The following TSPEAR variants were observed in gnomAD, a reference collection of about 807,000 sequenced individuals.
TSPEAR encodes thrombospondin type laminin G domain and EAR repeats.
Under a neutral mutation model 71.6 loss-of-function variants are expected in TSPEAR, and 69 were observed. The ratio of observed to expected loss-of-function variants is 0.96; its 90% CI spans 0.79 to 1.18. The LOEUF is 1.18. Among genes scored for constraint, TSPEAR ranks in the 50% most tolerant of loss-of-function variants. TSPEAR has a pLI of 0.00. For synonymous variants in TSPEAR, 402 were observed against 387.2 expected, an observed-to-expected ratio of 1.04 and a Z score of -0.45; for missense variants, 971 against 894.9, an observed-to-expected ratio of 1.09 and a Z score of -1.09.
chr21:44,572,097 T>A (rs1555922618), intron 1 of TSPEAR, among the ~76,000 whole-genome samples: 1 of 152,144 alleles, frequency 6.6e-6, no homozygotes, highest in East Asian at 1.9e-4. Context: ...CGCACACTGC[T>A]CCTGTGGGAT....
chr21:44,647,181 C>T, intron 1 of TSPEAR: 1 of 1,614,034 alleles, frequency 6.2e-7, no homozygotes, highest in Non-Finnish European at 8.5e-7. Context: ...CCCTCCTCTG[C>T]CACCCCGTGT....
rs1982053289 is a variant in TSPEAR, at chr21:44,615,808, T to C, written c.83-47803A>G. On this transcript the variant is annotated intron_variant, in intron 1 of 11. Transcript: ENST00000323084. ...TCCCCAAATTGGAATCAGATAGGTC[T>C]GTGCACTGCCCTGGTGACCCTGAGG... Among the ~76,000 whole-genome samples the C allele has an allele frequency of 2.0e-5, 3 of 152,344 alleles. No individual in the cohort carries two copies. In the South Asian group the frequency reaches 6.2e-4, roughly 32 times the overall value.
chr21:44,605,747 A>T (rs1215595210), intron 1 of TSPEAR, among the ~76,000 whole-genome samples: 1 of 152,222 alleles, frequency 6.6e-6, no homozygotes, highest in East Asian at 1.9e-4. Flanking sequence ...CTCAATATCC[A>T]TGTGCAGAAA....
chr21:44,613,888 C>T (rs894153664), intron 1 of TSPEAR, among the ~76,000 whole-genome samples: 21 of 152,088 alleles, frequency 1.4e-4, no homozygotes, highest in Admixed American at 5.2e-4. Context: ...TGTCCCTAAT[C>T]TCTCCCAGGC....
intron 1 of TSPEAR, chr21:44,654,652 G>A (rs1555942241): frequency 7.2e-7 from 1 of 1,391,950 alleles, no homozygotes; most frequent in South Asian, 1.4e-5. Context: ...AGAGGACAGG[G>A]CTGGTCTGGA....
intron 2 of TSPEAR, chr21:44,558,110 C>T (rs374239737): frequency 1.1e-4 from 174 of 1,611,238 alleles, no homozygotes; most frequent in Non-Finnish European, 1.0e-4. Flanking sequence ...GGCGGGAGCA[C>T]GTGGGGCGGC....
At chr21:44,639,463 G>A (rs587599075) in intron 1 of TSPEAR, among the ~76,000 whole-genome samples, 20 of 152,190 alleles carry the variant, frequency 1.3e-4, no homozygotes, top group South Asian at 8.3e-4. Flanking sequence ...CACTCCCCTC[G>A]AGGCAGATCA....
At chr21:44,599,952 G>T (rs1306568118) in intron 1 of TSPEAR, among the ~76,000 whole-genome samples, 1 of 152,210 alleles carries the variant, frequency 6.6e-6, no homozygotes, top group Non-Finnish European at 1.5e-5. Context: ...GCCCCAAACA[G>T]GGATCTGGGG....
chr21:44,636,812 T>C (rs1983599372), intron 1 of TSPEAR, among the ~76,000 whole-genome samples: 1 of 152,214 alleles, frequency 6.6e-6, no homozygotes, highest in African/African-American at 2.4e-5. Flanking sequence ...CCTAATGAGC[T>C]GACTGTCCAG....
At chr21:44,558,542 G>A (rs1555920411) in intron 2 of TSPEAR, 1 of 1,613,370 alleles carries the variant, frequency 6.2e-7, no homozygotes, top group Non-Finnish European at 8.5e-7. Context: ...AGGCCGCCTG[G>A]CAGCAGGGGC....
intron 1 of TSPEAR, among the ~76,000 whole-genome samples, chr21:44,688,092 TA>T (rs1312688761): frequency 6.6e-6 from 1 of 152,186 alleles, no homozygotes. Flanking sequence ...AGATAGTTTT[TA>T]AAAAGTAGTT....
At chr21:44,524,260 C>T (rs1272722598) in intron 8 of TSPEAR, among the ~76,000 whole-genome samples, 1 of 151,458 alleles carries the variant, frequency 6.6e-6, no homozygotes, top group Non-Finnish European at 1.5e-5. Flanking sequence ...GTCAGCCAGC[C>T]AGCCAGCCAG....
At chr21:44,519,642 G>C (rs1208612925) in intron 9 of TSPEAR, 3 of 152,454 alleles carry the variant, frequency 2.0e-5, no homozygotes, top group Non-Finnish European at 4.4e-5. Context: ...TGCGTGTTGT[G>C]GTGAGAGGAC....
At chr21:44,527,629 G>A (rs751555899) in intron 6 of TSPEAR, 111 bp from the exon 7 acceptor site, 7 of 1,010,038 alleles carry the variant, frequency 6.9e-6, no homozygotes, top group South Asian at 3.0e-5. Flanking sequence ...CGACTCCTGC[G>A]CCTCAGCCTC....
At chr21:44,564,285 C>A (rs1362915041) in intron 2 of TSPEAR, among the ~76,000 whole-genome samples, 1 of 152,058 alleles carries the variant, frequency 6.6e-6, no homozygotes, top group African/African-American at 2.4e-5. Flanking sequence ...AACTGTATAT[C>A]AATAACAACA....
chr21:44,599,134 T>TCTCTCTCTCTCTCTCTCTCTCTC (rs1980573681), intron 1 of TSPEAR, among the ~76,000 whole-genome samples: 7 of 92,280 alleles, frequency 7.6e-5, no homozygotes, highest in Admixed American at 1.4e-4. Flanking sequence ...GGCCCCCATT[T>TCTCTCTCTCTCTCTCTCTCTCTC]TCTCTCTCTC....
chr21:44,645,920 A>G (rs928378897), intron 1 of TSPEAR, among the ~76,000 whole-genome samples: 4 of 151,204 alleles, frequency 2.6e-5, no homozygotes, highest in Non-Finnish European at 5.9e-5. Flanking sequence ...CGGGTAGATC[A>G]TGAGGTCAGG....
chr21:44,502,769 G>C (rs587720551), intron 11 of TSPEAR, among the ~76,000 whole-genome samples: 3 of 152,372 alleles, frequency 2.0e-5, no homozygotes, highest in East Asian at 3.9e-4. Context: ...GGGACTCGCT[G>C]TGAGCCGGTG....
intron 1 of TSPEAR, among the ~76,000 whole-genome samples, chr21:44,594,822 ATTTTTT>A (rs34221889): frequency 1.6e-5 from 2 of 125,538 alleles, no homozygotes; most frequent in Non-Finnish European, 3.2e-5. Context: ...CGGATCTGTG[ATTTTTT>A]TTTTTTTTTT....
Sources: gnomAD v4.1 joint callset for allele counts (sites outside exome capture counted in the v4.1 genomes callset) on GRCh38, gnomAD v4.1.1 for gene constraint, MANE v1.5 for transcripts, NCBI Gene and HGNC (gene_info 2026-07-23, HGNC 2026-07-21) for gene names.